MCCC1: variants seen among roughly 807,000 people sequenced by gnomAD.
MCCC1 encodes the protein methylcrotonoyl-CoA carboxylase subunit alpha, mitochondrial.
MCCC1 carries 64 observed loss-of-function variants against 83.8 expected under a neutral mutation model. The ratio of observed to expected loss-of-function variants is 0.76; its 90% CI spans 0.62 to 0.94. The LOEUF (loss-of-function observed/expected upper bound fraction) is 0.94. Among genes scored for constraint, MCCC1 ranks in the 40% least tolerant of loss-of-function variants. The probability of loss-of-function intolerance (pLI) is 0.00; values close to 1 mark genes in which losing one functional copy is unlikely to be tolerated. For missense variants in MCCC1, 807 were observed against 904.7 expected, an observed-to-expected ratio of 0.89 and a Z score of 1.39; for synonymous variants, 322 against 315.4, an observed-to-expected ratio of 1.02 and a Z score of -0.22.
intron 3 of MCCC1, among the ~76,000 whole-genome samples, chr3:183,089,470 C>T (rs763643750): frequency 3.3e-5 from 5 of 152,024 alleles, no homozygotes; most frequent in African/African-American, 4.8e-5. Flanking sequence ...AAAAATTAGC[C>T]GGCTATGGTA....
intron 10 of MCCC1, 146 bp downstream of exon 10, chr3:183,045,267 A>G: frequency 2.4e-6 from 2 of 847,980 alleles, no homozygotes; most frequent in South Asian, 1.6e-5. Flanking sequence ...TTTGGTAGAG[A>G]CAGGGTTTCA....
upstream of MCCC1, among the ~76,000 whole-genome samples, chr3:183,100,845 T>C (rs1359483550): frequency 6.6e-6 from 1 of 152,238 alleles, no homozygotes; most frequent in Non-Finnish European, 1.5e-5. Context: ...AGCCCCTTTC[T>C]GGGCTGGCCA....
intron 14 of MCCC1, among the ~76,000 whole-genome samples, chr3:183,030,625 A>G (rs1712984006): frequency 6.6e-6 from 1 of 152,228 alleles, no homozygotes; most frequent in Non-Finnish European, 1.5e-5. Context: ...TTATCAAAAT[A>G]AAAATGTTCA....
intron 1 of MCCC1, among the ~76,000 whole-genome samples, chr3:183,106,081 T>TAAAAAAAAAAAAAAAA (rs563718218): frequency 2.0e-5 from 2 of 101,064 alleles, no homozygotes; most frequent in Admixed American, 1.1e-4. Context: ...AGAGAGTCCG[T>TAAAAAAAAAAAAAAAA]AAAAAAAAAA....
At chr3:183,115,080 A>C (rs1020554219) in intron 1 of MCCC1, among the ~76,000 whole-genome samples, 8 of 152,050 alleles carry the variant, frequency 5.3e-5, no homozygotes, top group Admixed American at 1.3e-4. Flanking sequence ...GTGTTACAAA[A>C]AAGAGCCACA....
rs1471866473 is a variant in MCCC1, at chr3:183,057,352, C to T, written c.832G>A (p.Val278Met). The change falls in exon 8 of 19, where the codon GTG becomes ATG. Residue 278 changes from valine to methionine, a missense_variant. Val to Met is a conservative substitution (Grantham distance 21). Coordinates refer to ENST00000265594, the MANE Select transcript of MCCC1 (RefSeq NM_020166.5). The part of the protein sequence containing the change: ...AVYLFERDCS[V>M]QRRHQKIIEE... ...ATGATCTTCTGATGTCGCCTCTGCA[C>T]ACTACAGTCTCTTTCAAACAAGTAC... is the stretch of plus-strand genomic sequence containing the variant. 2 of 1,610,652 alleles carry T rather than the reference C, an allele frequency of 1.2e-6. No individual in the cohort carries two copies. Among genetic ancestry groups the T allele is most frequent in the East Asian group, 4.5e-5 (2 of 44,872 alleles).
At chr3:183,060,709 T>C (rs1375132659) in intron 7 of MCCC1, among the ~76,000 whole-genome samples, 3 of 152,212 alleles carry the variant, frequency 2.0e-5, no homozygotes, top group Non-Finnish European at 2.9e-5. Flanking sequence ...TATCTCCTAA[T>C]GCTGTCCTTC....
intron 1 of MCCC1, among the ~76,000 whole-genome samples, chr3:183,106,454 C>A (rs1326236287): frequency 1.3e-5 from 2 of 151,722 alleles, no homozygotes; most frequent in African/African-American, 4.9e-5. Context: ...GTACCCTTCA[C>A]CTAGATTTCC....
intron 15 of MCCC1, among the ~76,000 whole-genome samples, chr3:183,024,007 T>G (rs113676155): frequency 7.2e-5 from 11 of 152,244 alleles, no homozygotes; most frequent in African/African-American, 2.6e-4. Context: ...TCCCAGCACT[T>G]TGGGAGGCCA....
intron 11 of MCCC1, 21 bp from the exon 12 acceptor site, chr3:183,039,156 A>G (rs781383274): frequency 8.7e-6 from 14 of 1,606,040 alleles, no homozygotes; most frequent in Middle Eastern, 1.6e-4. Flanking sequence ...AAACCACGGT[A>G]ACCTCTTCAA....
At chr3:183,054,667 G>C (rs1196947319) in intron 8 of MCCC1, among the ~76,000 whole-genome samples, 1 of 152,114 alleles carries the variant, frequency 6.6e-6, no homozygotes, top group Non-Finnish European at 1.5e-5. Flanking sequence ...TAAGTATACA[G>C]TGTTTACCAA....
At chr3:183,095,249 C>A (rs940702029) in intron 1 of MCCC1, among the ~76,000 whole-genome samples, 5 of 151,868 alleles carry the variant, frequency 3.3e-5, no homozygotes, top group African/African-American at 9.7e-5. Context: ...GGCCACTGCA[C>A]TCCAGCCTGG....
At chr3:183,094,431 T>C in intron 2 of MCCC1, 128 bp downstream of exon 2, 1 of 876,000 alleles carries the variant, frequency 1.1e-6, no homozygotes, top group East Asian at 2.6e-5. Flanking sequence ...CCTAGAAAAT[T>C]ATCGTGAAAA....
intron 11 of MCCC1, 78 bp downstream of exon 11, chr3:183,041,489 G>T: frequency 6.9e-7 from 1 of 1,446,868 alleles, no homozygotes. Flanking sequence ...GTAAGACTCA[G>T]GGATAAGAAT....
intron 15 of MCCC1, 104 bp from the exon 16 acceptor site, chr3:183,022,658 T>C: frequency 9.5e-7 from 1 of 1,052,628 alleles, no homozygotes; most frequent in Non-Finnish European, 1.4e-6. Context: ...AAACATAAAA[T>C]GTGTCTTAAA....
At chr3:183,092,203 A>G in intron 3 of MCCC1, among the ~76,000 whole-genome samples, 1 of 152,240 alleles carries the variant, frequency 6.6e-6, no homozygotes, top group East Asian at 1.9e-4. Context: ...CCTTGCCTGT[A>G]AATCAACTGT....
Position 183,113,464 on chromosome 3 carries a change from A to T in MCCC1, c.-102+2010T>A, listed in dbSNP as rs531313940. 4.5e-4 allele frequency among the ~76,000 whole-genome samples: 69 copies of T among 151,938 alleles called. 1 individual carries two copies. The highest frequency in any genetic ancestry group is 1.7e-3 in the African/African-American group (69 of 41,418). ...TAGCATTAGGAGATATACCTAATGT[A>T]AATGACGAGTTAATGAGTGCAGCAC... On this transcript the variant is annotated intron_variant, in intron 1 of 17. Coordinates refer to the MCCC1 transcript ENST00000492597.
intron 17 of MCCC1, 128 bp downstream of exon 17, chr3:183,020,002 T>G (rs931291779): frequency 5.6e-6 from 4 of 715,380 alleles, no homozygotes; most frequent in Non-Finnish European, 7.4e-6. Context: ...ATAGATCCTC[T>G]TGTTTTTGTG....
chr3:183,085,264 G>A (rs972814557), intron 4 of MCCC1, among the ~76,000 whole-genome samples: 3 of 151,952 alleles, frequency 2.0e-5, no homozygotes, highest in African/African-American at 2.4e-5. Context: ...TCCCCACCCA[G>A]AAGCCACAGC....
Sources: allele counts gnomAD v4.1 joint callset (sites outside exome capture counted in the v4.1 genomes callset), GRCh38; gene constraint gnomAD v4.1.1; transcripts MANE v1.5; gene names NCBI Gene and HGNC (gene_info 2026-07-23, HGNC 2026-07-21).